The following CSMD1 variants were observed in gnomAD, a reference collection of about 807,000 sequenced individuals.
CSMD1 encodes CUB and sushi domain-containing protein 1.
A neutral mutation model predicts 417.5 loss-of-function variants in CSMD1; 213 were observed. That is an observed-to-expected ratio of 0.51 (90% confidence interval 0.46 to 0.57). The LOEUF is 0.57. CSMD1 is among the 20% of genes least tolerant of loss of function. CSMD1 has a pLI of 0.00. For missense variants in CSMD1, 6,923 were observed against 4,529.7 expected (o/e 1.53, Z -15.17); for synonymous variants, 2,862 against 1,736.8 (o/e 1.65, Z -16.11).
chr8:4,795,590 C>G (rs1797935524), intron 1 of CSMD1, among the ~76,000 whole-genome samples: 1 of 151,904 alleles, frequency 6.6e-6, no homozygotes, highest in African/African-American at 2.4e-5. Flanking sequence ...TTCAAATTTT[C>G]TGTTTTTTCT....
chr8:3,289,461 A>G (rs912850389), intron 25 of CSMD1, among the ~76,000 whole-genome samples: 6 of 147,272 alleles, frequency 4.1e-5, no homozygotes, highest in Non-Finnish European at 8.8e-5. Context: ...AAGTGTTCCT[A>G]TTTCTCCATA....
At chr8:4,006,350 C>G (rs563994481) in intron 4 of CSMD1, among the ~76,000 whole-genome samples, 1 of 152,268 alleles carries the variant, frequency 6.6e-6, no homozygotes, top group Non-Finnish European at 1.5e-5. Context: ...TTGAGGCCAG[C>G]CTGGCCAACA....
chr8:3,026,431 T>C (rs1809931396), intron 51 of CSMD1, among the ~76,000 whole-genome samples: 1 of 151,528 alleles, frequency 6.6e-6, no homozygotes, highest in South Asian at 2.1e-4. Flanking sequence ...TGGACTTCAC[T>C]GGGCCTCACT....
intron 6 of CSMD1, among the ~76,000 whole-genome samples, chr8:3,714,025 C>CAGATACAT (rs1554519416): frequency 6.8e-6 from 1 of 147,088 alleles, no homozygotes; most frequent in South Asian, 2.2e-4. Context: ...GCTCACTATG[C>CAGATACAT]AGATAGATAG....
chr8:3,415,959 G>T (rs912394805), intron 12 of CSMD1, among the ~76,000 whole-genome samples: 2 of 152,026 alleles, frequency 1.3e-5, no homozygotes, highest in African/African-American at 4.8e-5. Flanking sequence ...CTTACAATGA[G>T]TAGCCACTAG....
At chr8:4,008,604 T>TTTA (rs1380173143) in intron 4 of CSMD1, among the ~76,000 whole-genome samples, 3 of 65,462 alleles carry the variant, frequency 4.6e-5, no homozygotes, top group African/African-American at 1.7e-4. Flanking sequence ...TTTTTTCTTT[T>TTTA]TTTTTTTTTT....
At chr8:4,896,791 C>T (rs530089907) in intron 1 of CSMD1, among the ~76,000 whole-genome samples, 2 of 151,956 alleles carry the variant, frequency 1.3e-5, no homozygotes, top group African/African-American at 2.4e-5. Flanking sequence ...AGGGCTCCAG[C>T]GGGGTAGGGC....
At chr8:4,607,127 T>C (rs1159610921) in intron 2 of CSMD1, among the ~76,000 whole-genome samples, 2 of 152,180 alleles carry the variant, frequency 1.3e-5, no homozygotes, top group Admixed American at 1.3e-4. Flanking sequence ...AGCACTTTTT[T>C]TTACCTGGGA....
chr8:3,969,338 G>A (rs2688351), intron 5 of CSMD1, among the ~76,000 whole-genome samples: 5 of 152,004 alleles, frequency 3.3e-5, no homozygotes, highest in Admixed American at 3.3e-4. Flanking sequence ...CTCGCTACTT[G>A]CTTCCTAATG....
At chr8:4,697,306 T>A (rs1240759017) in intron 1 of CSMD1, among the ~76,000 whole-genome samples, 2 of 152,188 alleles carry the variant, frequency 1.3e-5, no homozygotes, top group Non-Finnish European at 2.9e-5. Flanking sequence ...CACCTGGACT[T>A]AGTTATCATT....
intron 5 of CSMD1, among the ~76,000 whole-genome samples, chr8:3,972,241 A>G (rs1035596330): frequency 3.9e-5 from 6 of 152,332 alleles, no homozygotes; most frequent in Non-Finnish European, 8.8e-5. Flanking sequence ...AAGAACTTCA[A>G]TTAAATAGTA....
chr8:3,680,623 T>A (rs1799602833), intron 7 of CSMD1, among the ~76,000 whole-genome samples: 1 of 152,134 alleles, frequency 6.6e-6, no homozygotes, highest in East Asian at 1.9e-4. Context: ...GAGGAGCAGG[T>A]ACCATTCCTT....
chr8:3,387,227 G>A (rs189211878), intron 18 of CSMD1, among the ~76,000 whole-genome samples: 1 of 152,282 alleles, frequency 6.6e-6, no homozygotes, highest in East Asian at 1.9e-4. Flanking sequence ...AATACCATAT[G>A]TAAAACACAT....
chr8:3,800,763 A>T (rs548113067), intron 5 of CSMD1, among the ~76,000 whole-genome samples: 2 of 152,146 alleles, frequency 1.3e-5, no homozygotes, highest in Admixed American at 6.6e-5. Flanking sequence ...GTTTGTTTTT[A>T]AGCAAATTCC....
chr8:4,220,085 G>C (rs1234624850), intron 3 of CSMD1, among the ~76,000 whole-genome samples: 1 of 152,146 alleles, frequency 6.6e-6, no homozygotes, highest in Non-Finnish European at 1.5e-5. Flanking sequence ...GAGTACCTGT[G>C]ATTACAGGCA....
Position 3,423,668 on chromosome 8 carries a change from G to A in CSMD1, c.1562-14063C>T, listed in dbSNP as rs143260297. On this transcript the variant is annotated intron_variant, in intron 12 of 69. Transcript: ENST00000635120. The stretch of plus-strand genomic sequence containing the variant: ...GGCATTTGGGTTGTTTCCAGTTTGG[G>A]GCTATTATGAAGAAAGTCTTACGAA... Among the ~76,000 whole-genome samples, 4 of 152,274 alleles carry A rather than the reference G, an allele frequency of 2.6e-5. No homozygotes were observed. In the East Asian group the frequency reaches 7.7e-4, roughly 29 times the overall value.
intron 3 of CSMD1, among the ~76,000 whole-genome samples, chr8:4,325,667 C>A (rs1563057309): frequency 6.6e-6 from 1 of 152,110 alleles, no homozygotes; most frequent in African/African-American, 2.4e-5. Context: ...CCATCATGCT[C>A]ATCTCTAGGG....
intron 1 of CSMD1, among the ~76,000 whole-genome samples, chr8:4,870,988 C>A (rs544576640): frequency 6.6e-6 from 1 of 152,134 alleles, no homozygotes; most frequent in African/African-American, 2.4e-5. Context: ...TCAGGGGATG[C>A]CACAGGGTCT....
In CSMD1 at chr8:3,861,749, G is replaced by C. The variant is rs374026303; in HGVS notation, c.819-107707C>G. ...GTCTGCTATAAAGATTTTACCAAAAGAAATATCCTAACTTTTCTACTGGCC... is the reference window on the plus strand; with the variant it reads ...GTCTGCTATAAAGATTTTACCAAAACAAATATCCTAACTTTTCTACTGGCC... On this transcript the variant is annotated intron_variant, in intron 5 of 69. Coordinates refer to ENST00000635120, the MANE Select transcript of CSMD1 (RefSeq NM_033225.6). Among the ~76,000 whole-genome samples the C allele has an allele frequency of 1.6e-3, 242 of 152,274 alleles. 2 individuals are homozygous for C. The highest frequency in any genetic ancestry group is 4.3e-3 in the South Asian group (21 of 4,832).
Sources: gnomAD v4.1 joint callset for allele counts (sites outside exome capture counted in the v4.1 genomes callset) on GRCh38, gnomAD v4.1.1 for gene constraint, MANE v1.5 for transcripts, NCBI Gene and HGNC (gene_info 2026-07-23, HGNC 2026-07-21) for gene names.